The following TSPAN9 variants were observed in gnomAD, a reference collection of about 807,000 sequenced individuals.
The protein encoded by TSPAN9 is tetraspanin-9.
In TSPAN9, 16 loss-of-function variants were observed where a neutral mutation model predicts 31.0. The observed-to-expected ratio is 0.52, with a 90% CI of 0.35 to 0.78. TSPAN9 has a LOEUF of 0.78. TSPAN9 is among the 30% of genes least tolerant of loss of function. The pLI is 0.01. For missense variants in TSPAN9, 272 were observed against 312.5 expected (o/e 0.87, Z 0.98); for synonymous variants, 145 against 121.6 (o/e 1.19, Z -1.27).
At chr12:3,111,608 T>C (rs1490033198) in intron 2 of TSPAN9, among the ~76,000 whole-genome samples, 3 of 149,144 alleles carry the variant, frequency 2.0e-5, no homozygotes, top group Non-Finnish European at 4.5e-5. Flanking sequence ...GCATTACCTT[T>C]TTTTTTTTTT....
At position 3,212,518 on chromosome 12, in the gene TSPAN9, C is replaced by G. The variant is rs181169301; in HGVS notation, c.63+11262C>G. ...TCTTGAACTCCTGGCCTTAAGCAAT[C>G]CTGCCTTGGCTTCCAAAGTGCTGCG... is the stretch of plus-strand genomic sequence containing the variant. On this transcript the variant is annotated intron_variant, in intron 3 of 8. Transcript: ENST00000011898. Among the ~76,000 whole-genome samples the G allele has an allele frequency of 1.6e-3, 250 of 151,834 alleles. 1 individual carries two copies. The highest frequency in any genetic ancestry group is 7.3e-3 in the South Asian group (35 of 4,768).
intron 1 of TSPAN9, among the ~76,000 whole-genome samples, chr12:3,079,945 A>ATAT (rs1555138025): frequency 7.1e-6 from 1 of 140,316 alleles, no homozygotes; most frequent in Non-Finnish European, 1.5e-5. Flanking sequence ...AATTAAAAAA[A>ATAT]TTTTTTTTTT....
chr12:3,162,667 C>A (rs1368935695), intron 2 of TSPAN9, among the ~76,000 whole-genome samples: 1 of 151,914 alleles, frequency 6.6e-6, no homozygotes, highest in Non-Finnish European at 1.5e-5. Context: ...TTTAATCTAA[C>A]CCTGCTTTTG....
intron 3 of TSPAN9, among the ~76,000 whole-genome samples, chr12:3,215,859 T>C (rs1463762836): frequency 5.3e-5 from 8 of 151,858 alleles, no homozygotes; most frequent in Admixed American, 5.2e-4. Flanking sequence ...GTCTGGAGCC[T>C]GTATCAGAGT....
rs576630781 is a variant in TSPAN9 at position 3,174,830 on chromosome 12, C to T, written c.-17-26347C>T. Among the ~76,000 whole-genome samples the T allele has an allele frequency of 4.2e-3, 643 of 152,070 alleles. 2 individuals are homozygous for T. Among genetic ancestry groups the T allele is most frequent in the African/African-American group, 0.015 (610 of 41,524 alleles). The stretch of plus-strand genomic sequence containing the variant: ...ATCTCCTGACCTCGTGATCCTCCCG[C>T]CTCGGCCTCCCAAAGTGCTGGGATT... On this transcript the variant is annotated intron_variant, in intron 2 of 8. Transcript: ENST00000011898.
At position 3,219,470 on chromosome 12, in the gene TSPAN9, C is replaced by T. The variant is rs565634204; in HGVS notation, c.63+18214C>T. ...GTGTGGGTCGGGCACCTGTCCAAGG[C>T]GGACCTTCTGTGAGGATGGAGGGAG... is the stretch of plus-strand genomic sequence containing the variant. On this transcript the variant is annotated intron_variant, in intron 3 of 8. Coordinates refer to ENST00000011898, the MANE Select transcript of TSPAN9 (RefSeq NM_006675.5). 3.3e-5 allele frequency among the ~76,000 whole-genome samples: 5 copies of T among 152,290 alleles called. No homozygotes were observed. The South Asian group carries it at 1.0e-3, about 32-fold the overall frequency.
At chr12:3,209,157 C>A (rs113353614) in intron 3 of TSPAN9, among the ~76,000 whole-genome samples, 4,542 of 151,502 alleles carry the variant, frequency 0.03, 245 homozygotes, top group African/African-American at 0.1. Context: ...ATCGCTTGAA[C>A]CCGGGAGGTG....
chr12:3,238,737 G>A (rs1290467801), intron 3 of TSPAN9, among the ~76,000 whole-genome samples: 3 of 152,222 alleles, frequency 2.0e-5, no homozygotes, highest in Non-Finnish European at 4.4e-5. Flanking sequence ...GCAGCAGGAA[G>A]GTGCACTGGG....
chr12:3,268,004 C>A (rs1036642482), intron 3 of TSPAN9, among the ~76,000 whole-genome samples: 1 of 152,206 alleles, frequency 6.6e-6, no homozygotes, highest in Admixed American at 6.5e-5. Context: ...GTCGAAGGGT[C>A]CTCCTCACCC....
intron 3 of TSPAN9, among the ~76,000 whole-genome samples, chr12:3,243,186 TCCCTGTA>T (rs1163325416): frequency 6.6e-6 from 1 of 152,172 alleles, no homozygotes; most frequent in Admixed American, 6.5e-5. Flanking sequence ...TCTACCGCCT[TCCCTGTA>T]CCCGAGTTAC....
At chr12:3,220,187 G>A (rs578088962) in intron 3 of TSPAN9, among the ~76,000 whole-genome samples, 3 of 150,282 alleles carry the variant, frequency 2.0e-5, no homozygotes, top group East Asian at 3.9e-4. Context: ...TTTCTTCAAA[G>A]AGACCTTACT....
chr12:3,171,611 C>G (rs2098351889), intron 2 of TSPAN9: 1 of 152,204 alleles, frequency 6.6e-6, no homozygotes, highest in African/African-American at 2.4e-5. Flanking sequence ...CCCCCTTTAC[C>G]CAGCACAGAC....
chr12:3,280,267 C>T lies in TSPAN9; in HGVS notation c.331-115C>T. ...CAGGGCCTTCCAGACCAGCTGCCTT[C>T]CCTGCCTTCCTCACTCCTCATCTGT... On this transcript the variant is annotated intron_variant, in intron 5 of 8. Coordinates refer to ENST00000011898, the MANE Select transcript of TSPAN9 (RefSeq NM_006675.5). This position sits in a 1 kb window ranked among gnomAD's most constrained non-coding sequence, Gnocchi z 4.5. 1 of 924,748 alleles carries T rather than the reference C, an allele frequency of 1.1e-6. No individual in the cohort carries two copies. The highest frequency in any genetic ancestry group is 1.7e-6 in the Non-Finnish European group (1 of 596,776). 57.3% of individuals were successfully genotyped at this position (924,748 alleles called of 1,614,324 possible). A position where few individuals can be genotyped will look rare whatever the true frequency, so the allele number is the denominator to read the frequency against.
At chr12:3,243,881 T>C (rs1317608305) in intron 3 of TSPAN9, among the ~76,000 whole-genome samples, 2 of 152,184 alleles carry the variant, frequency 1.3e-5, no homozygotes, top group African/African-American at 4.8e-5. Context: ...ACTTCTCTTA[T>C]TGTACTACCC....
chr12:3,227,844 CT>C, intron 3 of TSPAN9, among the ~76,000 whole-genome samples: 1 of 152,280 alleles, frequency 6.6e-6, no homozygotes, highest in East Asian at 1.9e-4. Flanking sequence ...CTCGGGTAGG[CT>C]GGGGTGGTAC....
intron 3 of TSPAN9, among the ~76,000 whole-genome samples, chr12:3,257,892 A>G (rs1462705746): frequency 2.0e-5 from 3 of 151,966 alleles, no homozygotes; most frequent in African/African-American, 7.3e-5. Flanking sequence ...GAGGAGGAGG[A>G]TCTTAGATGG....
At chr12:3,175,315 G>A (rs542297136) in intron 2 of TSPAN9, among the ~76,000 whole-genome samples, 13 of 152,262 alleles carry the variant, frequency 8.5e-5, no homozygotes, top group African/African-American at 3.1e-4. Context: ...TCCTGGAGGT[G>A]GGAGTGAGAC....
intron 2 of TSPAN9, among the ~76,000 whole-genome samples, chr12:3,190,355 C>T (rs561628205): frequency 3.3e-5 from 5 of 152,248 alleles, no homozygotes; most frequent in African/African-American, 4.8e-5. Context: ...GTGTGCCCGG[C>T]GGTCTGCCTT....
In TSPAN9 at chr12:3,281,777, A is replaced by T; in HGVS notation, c.608A>T (p.His203Leu). The T allele has an allele frequency of 6.2e-7, 1 of 1,614,098 alleles. No homozygotes were observed. The highest frequency in any genetic ancestry group is 8.5e-7 in the Non-Finnish European group (1 of 1,179,992). The change falls in exon 8 of 9, where the codon CAC becomes CTC. Residue 203 changes from histidine (H) to leucine (L), a missense_variant. Transcript: ENST00000011898. ...AAGATGTGGTTCGATGACAATAAGC[A>T]CGTGCTGGGCACGGTGGGGATGTGC... ...KVKMWFDDNK[H>L]VLGTVGMCIL...
Sources: gnomAD v4.1 joint callset for allele counts (sites outside exome capture counted in the v4.1 genomes callset) on GRCh38, gnomAD v4.1.1 for gene constraint, Gnocchi (gnomAD v3.1) non-coding constraint, MANE v1.5 for transcripts, NCBI Gene and HGNC (gene_info 2026-07-23, HGNC 2026-07-21) for gene names.